The following TIMP3 variants were observed in gnomAD, a reference collection of about 807,000 sequenced individuals.
TIMP3 encodes TIMP metallopeptidase inhibitor 3, also known as metalloproteinase inhibitor 3.
Under a neutral mutation model 30.0 loss-of-function variants are expected in TIMP3, and 11 were observed. That is an observed-to-expected ratio of 0.37 (90% CI 0.23 to 0.61). TIMP3 has a LOEUF of 0.61. Ranked by LOEUF, TIMP3 falls within the 20% of genes least tolerant of loss-of-function variation. The probability of loss-of-function intolerance (pLI) is 0.70; values close to 1 mark genes in which losing one functional copy is unlikely to be tolerated. For missense variants in TIMP3, 181 were observed against 276.8 expected, an observed-to-expected ratio of 0.65 and a Z score of 2.45; for synonymous variants, 112 against 111.3, an observed-to-expected ratio of 1.01 and a Z score of -0.04.
rs76674051 is a variant in TIMP3 at position 32,803,489 on chromosome 22, T to A, written c.121+1367T>A. Among the ~76,000 whole-genome samples the A allele has an allele frequency of 3.7e-3, 559 of 152,224 alleles. 6 individuals carry two copies. The highest frequency in any genetic ancestry group is 0.013 in the African/African-American group (523 of 41,532). ...TGTTTGTGTGACCTGAGGTCACCCT[T>A]GTAAGAGGCTCCCTGGGGCCTGCAT... On this transcript the variant is annotated intron_variant, in intron 1 of 4. Transcript: ENST00000266085.
At chr22:32,829,427 G>A (rs974780552) in intron 1 of TIMP3, among the ~76,000 whole-genome samples, 2 of 152,232 alleles carry the variant, frequency 1.3e-5, no homozygotes, top group Non-Finnish European at 1.5e-5. Flanking sequence ...CAGAGGGGGT[G>A]GGGTCCCCGG....
chr22:32,851,176 G>A (rs1396611042), intron 2 of TIMP3, among the ~76,000 whole-genome samples: 1 of 152,180 alleles, frequency 6.6e-6, no homozygotes, highest in Non-Finnish European at 1.5e-5. Flanking sequence ...CTGGCAGACA[G>A]CGCGGGAATG....
chr22:32,805,300 G>T (rs62232904), intron 1 of TIMP3, among the ~76,000 whole-genome samples: 1 of 152,114 alleles, frequency 6.6e-6, no homozygotes, highest in Admixed American at 6.5e-5. Context: ...TTCTGACAGG[G>T]GCCAGTGCCA....
chr22:32,813,486 T>C (rs1466846819), intron 1 of TIMP3, among the ~76,000 whole-genome samples: 5 of 138,186 alleles, frequency 3.6e-5, no homozygotes, highest in Non-Finnish European at 7.8e-5. Flanking sequence ...TCTGAAAAGA[T>C]ACACACACAC....
At chr22:32,814,721 A>G (rs185452171) in intron 1 of TIMP3, among the ~76,000 whole-genome samples, 3 of 152,326 alleles carry the variant, frequency 2.0e-5, no homozygotes, top group Non-Finnish European at 1.5e-5. Context: ...AATTACAAAT[A>G]GTTCGAATTC....
intron 1 of TIMP3, among the ~76,000 whole-genome samples, chr22:32,803,943 C>T (rs1018260506): frequency 6.6e-6 from 1 of 152,186 alleles, no homozygotes; most frequent in African/African-American, 2.4e-5. Flanking sequence ...TGAAAACAAG[C>T]ATGAGTAGAT....
chr22:32,819,532 A>G (rs1215942719), intron 1 of TIMP3, among the ~76,000 whole-genome samples: 2 of 152,190 alleles, frequency 1.3e-5, no homozygotes, highest in Non-Finnish European at 2.9e-5. Flanking sequence ...TCTCTCCTTG[A>G]ACACAGGTTT....
intron 1 of TIMP3, among the ~76,000 whole-genome samples, chr22:32,816,154 A>G (rs2047083184): frequency 6.6e-6 from 1 of 151,980 alleles, no homozygotes; most frequent in African/African-American, 2.4e-5. Flanking sequence ...CCGCCTTCCC[A>G]GTTGGGCGAG....
intron 1 of TIMP3, among the ~76,000 whole-genome samples, chr22:32,842,453 G>A (rs1044761462): frequency 6.6e-6 from 1 of 152,156 alleles, no homozygotes; most frequent in African/African-American, 2.4e-5. Flanking sequence ...CTTGGGAAGG[G>A]TCACTGAGGA....
chr22:32,841,170 G>C (rs1325815337), intron 1 of TIMP3, among the ~76,000 whole-genome samples: 1 of 152,194 alleles, frequency 6.6e-6, no homozygotes, highest in African/African-American at 2.4e-5. Flanking sequence ...CCTGTTATGT[G>C]CCAGGCACTC....
At chr22:32,806,161 G>T (rs773565956) in intron 1 of TIMP3, among the ~76,000 whole-genome samples, 5 of 152,030 alleles carry the variant, frequency 3.3e-5, no homozygotes, top group Non-Finnish European at 5.9e-5. Context: ...CCCAGTGGGA[G>T]GTACCCGGTC....
Position 32,854,326 on chromosome 22 carries a change from A to T in TIMP3, c.205-2923A>T, listed in dbSNP as rs548222009. Among the ~76,000 whole-genome samples, 6 of 152,316 alleles carry T rather than the reference A, an allele frequency of 3.9e-5. No homozygotes were observed. The East Asian group carries it at 1.2e-3, about 29-fold the overall frequency. ...TGCAGGTTCCTTCAAACTTCCAAGTAGCTGCGGTGCCAAGCTGATTTCGAT... is the reference window on the plus strand; with the variant it reads ...TGCAGGTTCCTTCAAACTTCCAAGTTGCTGCGGTGCCAAGCTGATTTCGAT... On this transcript the variant is annotated intron_variant, in intron 2 of 4. Coordinates refer to ENST00000266085, the MANE Select transcript of TIMP3 (RefSeq NM_000362.5).
chr22:32,849,350 C>A, intron 1 of TIMP3, 102 bp from the exon 2 acceptor site: 1 of 945,664 alleles, frequency 1.1e-6, no homozygotes, highest in Non-Finnish European at 1.7e-6. Context: ...GGTAAGAGTG[C>A]AATTCCAGGC....
intron 2 of TIMP3, among the ~76,000 whole-genome samples, chr22:32,854,603 C>CT (rs1218070546): frequency 6.6e-6 from 1 of 152,172 alleles, no homozygotes; most frequent in Non-Finnish European, 1.5e-5. Flanking sequence ...TCGAAGGCCA[C>CT]ACTCCATGGC....
chr22:32,806,742 T>C (rs1389522758), intron 1 of TIMP3, among the ~76,000 whole-genome samples: 1 of 152,214 alleles, frequency 6.6e-6, no homozygotes, highest in Non-Finnish European at 1.5e-5. Flanking sequence ...TGTATGTATC[T>C]CTCTGTATAT....
chr22:32,843,913 G>C (rs1396620631), intron 1 of TIMP3, among the ~76,000 whole-genome samples: 1 of 152,130 alleles, frequency 6.6e-6, no homozygotes, highest in Non-Finnish European at 1.5e-5. Flanking sequence ...TCTTTGGAGA[G>C]ACAGGAATGG....
rs191807280 is a variant in TIMP3 at position 32,844,600 on chromosome 22, T to C, written c.122-4852T>C. ...AGAGGGCCCCATATATATTTATAGATCAATGTGCCCATTATATAAGTTCAC... is the reference window on the plus strand; with the variant it reads ...AGAGGGCCCCATATATATTTATAGACCAATGTGCCCATTATATAAGTTCAC... On this transcript the variant is annotated intron_variant, in intron 1 of 4. Transcript: ENST00000266085. Among the ~76,000 whole-genome samples the C allele has an allele frequency of 3.3e-5, 5 of 152,326 alleles. No homozygotes were observed. In the East Asian group the frequency reaches 9.6e-4, roughly 29 times the overall value.
At chr22:32,814,802 A>G (rs566885199) in intron 1 of TIMP3, among the ~76,000 whole-genome samples, 1 of 152,320 alleles carries the variant, frequency 6.6e-6, no homozygotes, top group South Asian at 2.1e-4. Context: ...AGGGAAAAAA[A>G]CTAGATTGAT....
At chr22:32,816,929 T>C (rs2047100358) in intron 1 of TIMP3, among the ~76,000 whole-genome samples, 2 of 152,110 alleles carry the variant, frequency 1.3e-5, no homozygotes, top group Admixed American at 1.3e-4. Context: ...TCTTAAGAAA[T>C]GTTCTTTGGA....
Sources: gnomAD v4.1 joint callset for allele counts (sites outside exome capture counted in the v4.1 genomes callset) on GRCh38, gnomAD v4.1.1 for gene constraint, MANE v1.5 for transcripts, NCBI Gene and HGNC (gene_info 2026-07-23, HGNC 2026-07-21) for gene names.